The following DENND5B variants were observed in gnomAD, a reference collection of about 807,000 sequenced individuals.
DENND5B encodes the protein DENN domain-containing protein 5B.
Under a neutral mutation model 140.6 loss-of-function variants are expected in DENND5B, and 34 were observed. The observed-to-expected ratio is 0.24, with a 90% CI of 0.18 to 0.32. The LOEUF is 0.32. Ranked by LOEUF, DENND5B falls within the 10% of genes least tolerant of loss-of-function variation. The pLI, the probability that DENND5B is intolerant of heterozygous loss-of-function variation, is 1.00. For synonymous variants in DENND5B, 551 were observed against 562.1 expected (o/e 0.98, Z 0.28); for missense variants, 1,142 against 1,560.2 (o/e 0.73, Z 4.52).
rs1480550412 is a variant in DENND5B at position 31,495,832 on chromosome 12, A to G, written c.215T>C (p.Phe72Ser). Residue 72 changes from phenylalanine (F) to serine (S), a missense_variant, in exon 2 of 21, where the codon TTT becomes TCT. Around this residue, in one of 5 missense-constraint regions of DENND5B, gnomAD observed 708 missense variants for 905.5 expected, o/e 0.78. Transcript: ENST00000389082. The stretch of plus-strand genomic sequence containing the variant: ...TACCATGTTCACCGCATCTTGATCA[A>G]AAGGGTTCCATTCTATATTCTGAGG... The part of the protein sequence containing the change: ...HYPQNIEWNP[F>S]DQDAVNMLCM... 6.2e-7 allele frequency: 1 copy of G among 1,611,670 alleles called. No homozygotes were observed. Among genetic ancestry groups the G allele is most frequent in the Non-Finnish European group, 8.5e-7 (1 of 1,178,850 alleles).
At chr12:31,582,106 A>T (rs1255512797) in intron 1 of DENND5B, among the ~76,000 whole-genome samples, 1 of 152,232 alleles carries the variant, frequency 6.6e-6, no homozygotes, top group Non-Finnish European at 1.5e-5. Context: ...TAATCCACAG[A>T]TGTGGAACCC....
At chr12:31,473,186 C>A (rs939542352) in intron 3 of DENND5B, among the ~76,000 whole-genome samples, 3 of 152,212 alleles carry the variant, frequency 2.0e-5, no homozygotes. Flanking sequence ...GATCCTCCTG[C>A]CTCAACCTCC....
chr12:31,514,821 C>CA (rs1334954260), intron 1 of DENND5B, among the ~76,000 whole-genome samples: 1,451 of 94,058 alleles, frequency 0.015, 22 homozygotes, highest in African/African-American at 0.048. Context: ...GACTCCGTCT[C>CA]AAAAAAAAAA....
intron 7 of DENND5B, among the ~76,000 whole-genome samples, chr12:31,438,554 A>G (rs1463225337): frequency 1.3e-5 from 2 of 152,058 alleles, no homozygotes; most frequent in Non-Finnish European, 2.9e-5. Flanking sequence ...AAGACTGTAA[A>G]AAGGATACAA....
intron 1 of DENND5B, among the ~76,000 whole-genome samples, chr12:31,518,770 GT>G (rs1483246923): frequency 6.6e-6 from 1 of 151,072 alleles, no homozygotes; most frequent in Admixed American, 6.6e-5. Context: ...GCCTCATGCT[GT>G]GCTAATTTAA....
At chr12:31,390,643 CAA>C (rs1178050948) in intron 19 of DENND5B, among the ~76,000 whole-genome samples, 1 of 151,184 alleles carries the variant, frequency 6.6e-6, no homozygotes, top group African/African-American at 2.4e-5. Context: ...CTAAAACAAA[CAA>C]AAAAAATTAA....
intron 1 of DENND5B, among the ~76,000 whole-genome samples, chr12:31,541,524 C>T (rs781631133): frequency 6.6e-6 from 1 of 152,136 alleles, no homozygotes; most frequent in South Asian, 2.1e-4. Flanking sequence ...GTTAAAATGG[C>T]TTTTATACAA....
chr12:31,509,182 C>G (rs576024807), intron 1 of DENND5B, among the ~76,000 whole-genome samples: 2 of 152,192 alleles, frequency 1.3e-5, no homozygotes, highest in Admixed American at 1.3e-4. Context: ...CCAAGAATCT[C>G]CACTTGCTGT....
chr12:31,584,648 A>G (rs895217805), intron 1 of DENND5B, among the ~76,000 whole-genome samples: 6 of 151,872 alleles, frequency 4.0e-5, no homozygotes, highest in African/African-American at 1.5e-4. Context: ...TAGAGATGGC[A>G]AAACCCCATC....
intron 1 of DENND5B, among the ~76,000 whole-genome samples, chr12:31,549,311 G>A (rs1948961695): frequency 6.6e-6 from 1 of 152,000 alleles, no homozygotes; most frequent in Non-Finnish European, 1.5e-5. Context: ...TCGTAAAACG[G>A]CACTGACTTT....
intron 1 of DENND5B, among the ~76,000 whole-genome samples, chr12:31,578,126 C>CAAAAAAAA (rs5797421): frequency 3.9e-5 from 3 of 77,310 alleles, no homozygotes; most frequent in Admixed American, 1.7e-4. Flanking sequence ...GACGCTGTCT[C>CAAAAAAAA]AAAAAAAAAA....
chr12:31,395,470 G>A (rs996225420), intron 17 of DENND5B, among the ~76,000 whole-genome samples: 16 of 152,132 alleles, frequency 1.1e-4, no homozygotes, highest in African/African-American at 3.6e-4. Flanking sequence ...GTGCATGCCC[G>A]TAATCCCAGC....
intron 3 of DENND5B, chr12:31,477,402 T>C (rs1214501637): frequency 6.6e-6 from 1 of 152,160 alleles, no homozygotes; most frequent in African/African-American, 2.4e-5. Flanking sequence ...AAAGGTGATC[T>C]GTAAGTAATA....
chr12:31,424,461 T>C (rs1943150846), intron 10 of DENND5B, 74 bp downstream of exon 10: 4 of 1,440,370 alleles, frequency 2.8e-6, no homozygotes, highest in Non-Finnish European at 3.7e-6. Flanking sequence ...TTTAATGACA[T>C]ATTTGTCTCC....
chr12:31,448,737 ATGGT>A (rs1382916017), intron 5 of DENND5B, among the ~76,000 whole-genome samples: 1 of 152,200 alleles, frequency 6.6e-6, no homozygotes. Context: ...GAAGCTGGGC[ATGGT>A]GGTGGCCACC....
At chr12:31,417,651 T>C (rs1942818856) in intron 11 of DENND5B, among the ~76,000 whole-genome samples, 1 of 152,102 alleles carries the variant, frequency 6.6e-6, no homozygotes, top group South Asian at 2.1e-4. Context: ...CTCTTATGTA[T>C]GAAAGAAGAA....
intron 1 of DENND5B, among the ~76,000 whole-genome samples, chr12:31,551,639 A>G (rs1342265436): frequency 2.0e-5 from 3 of 152,148 alleles, no homozygotes; most frequent in Non-Finnish European, 2.9e-5. Flanking sequence ...CATTGAATCT[A>G]TAAATTACCT....
At chr12:31,588,970 T>C (rs1007757602) in intron 1 of DENND5B, among the ~76,000 whole-genome samples, 3 of 150,154 alleles carry the variant, frequency 2.0e-5, no homozygotes, top group Admixed American at 6.6e-5. Flanking sequence ...AAAAGAGACA[T>C]CATAGTTTGT....
At chr12:31,399,633 T>A in intron 16 of DENND5B, 21 bp downstream of exon 16, 1 of 1,589,834 alleles carries the variant, frequency 6.3e-7, no homozygotes, top group Non-Finnish European at 8.6e-7. Flanking sequence ...GAATTCTGAG[T>A]TCCCAAGGCC....
Sources: allele counts gnomAD v4.1 joint callset (sites outside exome capture counted in the v4.1 genomes callset), GRCh38; gene constraint gnomAD v4.1.1; regional missense constraint gnomAD v4.1.1; transcripts MANE v1.5; gene names NCBI Gene and HGNC (gene_info 2026-07-23, HGNC 2026-07-21).